Variants in RAB3C observed in about 807,000 individuals in gnomAD.
RAB3C encodes ras-related protein Rab-3C.
A neutral mutation model predicts 26.4 loss-of-function variants in RAB3C; 17 were observed. The observed-to-expected ratio is 0.64, with a 90% confidence interval of 0.44 to 0.97. The LOEUF is 0.97. RAB3C is among the 50% of genes least tolerant of loss of function. The pLI is 0.00. For synonymous variants in RAB3C, 91 were observed against 95.9 expected, an observed-to-expected ratio of 0.95 and a Z score of 0.30; for missense variants, 242 against 281.9, an observed-to-expected ratio of 0.86 and a Z score of 1.01.
intron 3 of RAB3C, among the ~76,000 whole-genome samples, chr5:58,815,245 G>A (rs1222476125): frequency 6.6e-6 from 1 of 152,130 alleles, no homozygotes; most frequent in Non-Finnish European, 1.5e-5. Context: ...GCATTCACAG[G>A]AGCCTTGGGA....
At chr5:58,597,220 T>TATAATATATACTACATAATATATTATATA (rs1561260751) in intron 1 of RAB3C, among the ~76,000 whole-genome samples, 67 of 3,014 alleles carry the variant, frequency 0.022, no homozygotes, top group Non-Finnish European at 0.075. Flanking sequence ...ATAAATATTA[T>TATAATATATACTACATAATATATTATATA]ATAATATATA....
In RAB3C at chr5:58,841,811, C is replaced by T. The variant is rs77921505; in HGVS notation, c.497-9353C>T. Among the ~76,000 whole-genome samples the T allele has an allele frequency of 6.0e-3, 906 of 152,250 alleles. 6 individuals are homozygous for T. Among genetic ancestry groups the T allele is most frequent in the African/African-American group, 0.02 (848 of 41,538 alleles). On this transcript the variant is annotated intron_variant, in intron 4 of 4. Coordinates refer to ENST00000282878, the MANE Select transcript of RAB3C (RefSeq NM_138453.4). ...CAGAGATTGGGTGCTTCTACACAGC[C>T]CTATGGTGATTTCAAATCACCCTAT...
chr5:58,835,598 A>T (rs1175170690), intron 4 of RAB3C, among the ~76,000 whole-genome samples: 2 of 152,200 alleles, frequency 1.3e-5, no homozygotes, highest in Non-Finnish European at 2.9e-5. Context: ...CTTCTCTTAG[A>T]ATGATCTTCC....
intron 3 of RAB3C, among the ~76,000 whole-genome samples, chr5:58,778,668 C>T (rs1358997267): frequency 2.6e-5 from 4 of 152,150 alleles, no homozygotes; most frequent in African/African-American, 9.7e-5. Flanking sequence ...ATTTTGCTTA[C>T]CAGCTTCTCT....
chr5:58,650,136 T>G (rs931962476), intron 2 of RAB3C, among the ~76,000 whole-genome samples: 2 of 152,188 alleles, frequency 1.3e-5, no homozygotes, highest in Admixed American at 1.3e-4. Flanking sequence ...TAAGTGGGTT[T>G]ACAAATCCCA....
chr5:58,721,715 G>T (rs776665856), intron 2 of RAB3C, among the ~76,000 whole-genome samples: 2 of 151,650 alleles, frequency 1.3e-5, no homozygotes, highest in Non-Finnish European at 2.9e-5. Flanking sequence ...AGTCAGCTTG[G>T]TGTCTGTTTA....
intron 2 of RAB3C, among the ~76,000 whole-genome samples, chr5:58,683,317 A>G (rs1022097306): frequency 5.9e-5 from 9 of 152,076 alleles, no homozygotes; most frequent in African/African-American, 1.2e-4. Context: ...CTTCTTATAT[A>G]CTTTTCCTCC....
At chr5:58,726,789 C>T (rs1051403074) in intron 3 of RAB3C, among the ~76,000 whole-genome samples, 3 of 151,860 alleles carry the variant, frequency 2.0e-5, no homozygotes, top group Non-Finnish European at 4.4e-5. Flanking sequence ...TACTTCTGAC[C>T]CTGATGAGTG....
intron 4 of RAB3C, among the ~76,000 whole-genome samples, chr5:58,841,167 G>A (rs1042091590): frequency 2.6e-5 from 4 of 152,200 alleles, no homozygotes; most frequent in African/African-American, 4.8e-5. Context: ...GTCACATAGC[G>A]ACTTTGCTGG....
chr5:58,789,931 G>GT (rs1742483258), intron 3 of RAB3C, among the ~76,000 whole-genome samples: 1 of 152,150 alleles, frequency 6.6e-6, no homozygotes, highest in Non-Finnish European at 1.5e-5. Context: ...TTAAAAAATA[G>GT]TTACGTCTAA....
intron 3 of RAB3C, among the ~76,000 whole-genome samples, chr5:58,812,960 A>G: frequency 6.6e-6 from 1 of 152,176 alleles, no homozygotes; most frequent in East Asian, 1.9e-4. Flanking sequence ...AAAGCTGAGA[A>G]AATAGTCTTG....
chr5:58,740,247 G>C (rs751092555), intron 3 of RAB3C, among the ~76,000 whole-genome samples: 38 of 152,178 alleles, frequency 2.5e-4, no homozygotes, highest in Non-Finnish European at 4.3e-4. Context: ...GCAGCATCCT[G>C]GACCTCACGC....
intron 3 of RAB3C, among the ~76,000 whole-genome samples, chr5:58,737,934 A>G (rs1188629283): frequency 6.6e-6 from 1 of 152,198 alleles, no homozygotes; most frequent in Admixed American, 6.5e-5. Context: ...CATAGTGAGC[A>G]ATGTGACTTA....
chr5:58,628,694 G>A (rs1579825749), intron 2 of RAB3C, among the ~76,000 whole-genome samples: 1 of 151,906 alleles, frequency 6.6e-6, no homozygotes, highest in Non-Finnish European at 1.5e-5. Flanking sequence ...GCACAGGGTA[G>A]GGTGAGATTT....
intron 2 of RAB3C, among the ~76,000 whole-genome samples, chr5:58,683,316 T>C (rs1213999097): frequency 1.3e-5 from 2 of 152,244 alleles, no homozygotes; most frequent in African/African-American, 2.4e-5. Context: ...TCTTCTTATA[T>C]ACTTTTCCTC....
chr5:58,704,588 G>A (rs539317525), intron 2 of RAB3C, among the ~76,000 whole-genome samples: 1 of 152,184 alleles, frequency 6.6e-6, no homozygotes, highest in Non-Finnish European at 1.5e-5. Context: ...CTATACAAAT[G>A]ATCTGTGCTG....
chr5:58,667,006 T>C (rs1748015856), intron 2 of RAB3C, among the ~76,000 whole-genome samples: 1 of 152,196 alleles, frequency 6.6e-6, no homozygotes, highest in Non-Finnish European at 1.5e-5. Flanking sequence ...AATTATCTGA[T>C]GCTTTTAGAC....
intron 3 of RAB3C, among the ~76,000 whole-genome samples, chr5:58,821,104 A>G (rs550931091): frequency 3.3e-5 from 5 of 152,240 alleles, no homozygotes; most frequent in Non-Finnish European, 7.4e-5. Context: ...AAGAGTGCCA[A>G]ATTTCCTCAA....
At chr5:58,605,652 C>T (rs536745566) in intron 1 of RAB3C, among the ~76,000 whole-genome samples, 6 of 152,260 alleles carry the variant, frequency 3.9e-5, no homozygotes, top group African/African-American at 1.4e-4. Flanking sequence ...AATCCTAGTA[C>T]TTTGGGAGGC....
Sources: gnomAD v4.1 joint callset for allele counts (sites outside exome capture counted in the v4.1 genomes callset) on GRCh38, gnomAD v4.1.1 for gene constraint, MANE v1.5 for transcripts, NCBI Gene and HGNC (gene_info 2026-07-23, HGNC 2026-07-21) for gene names.